REPS1: variants seen among roughly 807,000 people sequenced by gnomAD.
REPS1 encodes the protein ralBP1-associated Eps domain-containing protein 1.
Under a neutral mutation model 100.9 loss-of-function variants are expected in REPS1, and 39 were observed. The observed-to-expected ratio is 0.39, with a 90% CI of 0.30 to 0.50. The LOEUF (loss-of-function observed/expected upper bound fraction) is 0.50, where lower values mean the gene tolerates loss of function less well. REPS1 is among the 20% of genes least tolerant of loss of function. REPS1 has a pLI of 0.86. For missense variants in REPS1, 821 were observed against 968.5 expected (o/e 0.85, Z 2.02); for synonymous variants, 324 against 340.3 (o/e 0.95, Z 0.53).
At chr6:138,925,659 TAA>T (rs5880412) in intron 10 of REPS1, among the ~76,000 whole-genome samples, 130 of 137,772 alleles carry the variant, frequency 9.4e-4, no homozygotes, top group Middle Eastern at 3.7e-3. Context: ...ATCCTTGTCT[TAA>T]AAAAAAAAAA....
Position 138,914,632 on chromosome 6 carries a change from G to GA in REPS1, c.1785+64dup. ...TGACCTTCCAAATAATTTGAGAATA[G>GA]AATTAAATACCTAGCAGGCAAAGTG... is the stretch of plus-strand genomic sequence containing the variant. On this transcript the variant is annotated intron_variant, in intron 15 of 19. Coordinates refer to ENST00000450536, the MANE Select transcript of REPS1 (RefSeq NM_001286611.2). 9 of 1,275,196 alleles carry GA rather than the reference G, an allele frequency of 7.1e-6. No individual in the cohort carries two copies. In the South Asian group the frequency reaches 1.1e-4, roughly 15 times the overall value. The allele number at this position is 1,275,196 out of a possible 1,614,324, so 79.0% of individuals were successfully genotyped here.
intron 8 of REPS1, chr6:138,934,310 T>A (rs1177553109): frequency 4.2e-6 from 2 of 470,894 alleles, no homozygotes; most frequent in Non-Finnish European, 4.4e-6. Flanking sequence ...GCCCCTGACA[T>A]CATCAGAGCA....
intron 17 of REPS1, 60 bp downstream of exon 17, chr6:138,911,216 A>G: frequency 3.5e-6 from 4 of 1,159,308 alleles, no homozygotes; most frequent in Non-Finnish European, 5.2e-6. Context: ...TTATTTCTAA[A>G]AATTATTTCA....
intron 10 of REPS1, among the ~76,000 whole-genome samples, chr6:138,922,740 A>T (rs1780861265): frequency 2.0e-5 from 3 of 152,204 alleles, no homozygotes; most frequent in Admixed American, 2.0e-4. Flanking sequence ...TAAAGACTGA[A>T]TTTGAGATCC....
At position 138,912,751 on chromosome 6, in the gene REPS1, C is replaced by A. The variant is rs1352981310; in HGVS notation, c.1971+14G>T. On this transcript the variant is annotated intron_variant, in intron 16 of 19. Coordinates refer to ENST00000450536, the MANE Select transcript of REPS1 (RefSeq NM_001286611.2). The stretch of plus-strand genomic sequence containing the variant: ...ACTGCCTGCAGAAAATTAGCCAAGC[C>A]CTCGAAAACTGACCGGCAGGACTTC... 6.2e-7 allele frequency: 1 copy of A among 1,613,982 alleles called. No individual in the cohort carries two copies. The highest frequency in any genetic ancestry group is 1.3e-5 in the African/African-American group (1 of 75,000).
intron 2 of REPS1, 43 bp from the exon 3 acceptor site, chr6:138,945,740 C>A: frequency 1.4e-6 from 2 of 1,401,832 alleles, no homozygotes; most frequent in Non-Finnish European, 1.9e-6. Context: ...TAAAAAAGGA[C>A]ATATATATTG....
rs201433883 is a variant in REPS1 at position 138,907,479 on chromosome 6, T to A, written c.2322+16A>T. The A allele has an allele frequency of 9.7e-5, 152 of 1,569,014 alleles. No individual in the cohort carries two copies. Among genetic ancestry groups the A allele is most frequent in the Admixed American group, 1.8e-4 (11 of 59,854 alleles). On this transcript the variant is annotated intron_variant, in intron 19 of 19. Transcript: ENST00000450536. ...CTAAGATAAGGAACATTATAAAGAT[T>A]CAGAAACTATATTACCTTTAATTGT...
intron 8 of REPS1, 39 bp downstream of exon 8, chr6:138,941,296 C>T (rs765869333): frequency 6.2e-7 from 1 of 1,602,062 alleles, no homozygotes; most frequent in Admixed American, 1.7e-5. Context: ...TTATGTTTAT[C>T]AAGGCATGCA....
intron 1 of REPS1, among the ~76,000 whole-genome samples, chr6:138,954,998 T>C (rs1003463084): frequency 4.6e-5 from 7 of 152,240 alleles, no homozygotes; most frequent in Admixed American, 4.6e-4. Flanking sequence ...ATTGTGTGGA[T>C]GGATGCACCT....
At chr6:138,975,553 G>A (rs903868293) in intron 1 of REPS1, among the ~76,000 whole-genome samples, 2 of 152,162 alleles carry the variant, frequency 1.3e-5, no homozygotes, top group Non-Finnish European at 2.9e-5. Context: ...AACCTTCTAA[G>A]AACCAGGCAC....
rs1782558105 is a variant in REPS1 at position 138,945,564 on chromosome 6, C to T, written c.411G>A (p.Gly137=). ...SGVIPPPPGR[G]QVKKGSVSHD... The stretch of plus-strand genomic sequence containing the variant: ...GGCTTACGGATCCCTTTTTCACTTG[C>T]CCCCTGCCAGGTGGTGGGGGAATTA... Residue 137 remains glycine (G), a synonymous_variant, in exon 3 of 20, where the codon GGG becomes GGA. Transcript: ENST00000450536. 1.2e-6 allele frequency: 2 copies of T among 1,612,612 alleles called. No individual in the cohort carries two copies. Among genetic ancestry groups the T allele is most frequent in the East Asian group, 2.2e-5 (1 of 44,852 alleles).
chr6:138,974,244 T>G (rs1784482186), intron 1 of REPS1, among the ~76,000 whole-genome samples: 1 of 152,150 alleles, frequency 6.6e-6, no homozygotes, highest in East Asian at 1.9e-4. Flanking sequence ...TCAAGAAATC[T>G]GTCTACAAAC....
In REPS1 at chr6:138,909,081, G is replaced by A. The variant is rs150882670; in HGVS notation, c.2068-265C>T. On this transcript the variant is annotated intron_variant, in intron 17 of 19. Coordinates refer to ENST00000450536, the MANE Select transcript of REPS1 (RefSeq NM_001286611.2). Reference sequence around the variant, plus strand: ...CTGATGCAAGACTGTAATATTCACAGTTTTAACATAAATATGATACAGAAT... The same window carrying A: ...CTGATGCAAGACTGTAATATTCACAATTTTAACATAAATATGATACAGAAT... 2.0e-5 allele frequency among the ~76,000 whole-genome samples: 3 copies of A among 152,242 alleles called. No homozygotes were observed. The East Asian group carries it at 5.8e-4, about 29-fold the overall frequency.
chr6:138,935,613 T>G (rs1781755565), intron 8 of REPS1, among the ~76,000 whole-genome samples: 1 of 151,984 alleles, frequency 6.6e-6, no homozygotes, highest in Non-Finnish European at 1.5e-5. Flanking sequence ...ACTTTGGGAA[T>G]GGAAGACCGA....
Position 138,987,816 on chromosome 6 carries a change from A to G in REPS1, c.-134T>C, listed in dbSNP as rs1785364316. ...CCGAAAACGCCGGCCCCGGCCTCAC[A>G]CGCGCCAGGTGCGCCCGAGCAACAG... On this transcript the variant is annotated 5_prime_UTR_variant, in exon 1 of 20. Coordinates refer to ENST00000450536, the MANE Select transcript of REPS1 (RefSeq NM_001286611.2). 8.6e-7 allele frequency: 1 copy of G among 1,168,686 alleles called. No individual in the cohort carries two copies. The highest frequency in any genetic ancestry group is 2.0e-5 in the South Asian group (1 of 50,428). The allele number at this position is 1,168,686 out of a possible 1,614,324, so 72.4% of individuals were successfully genotyped here. A position where few individuals can be genotyped will look rare whatever the true frequency, so the allele number is the denominator to read the frequency against.
In REPS1 at chr6:138,987,969, G is replaced by A. The variant is rs1785378652; in HGVS notation, c.-287C>T. ...CCGGCTCCGGCTCCGGCCGCGGGGA[G>A]GGTGCAGAGAAAGAGGCGGGGGCCG... On this transcript the variant is annotated 5_prime_UTR_variant, in exon 1 of 20. Transcript: ENST00000450536. 5.2e-6 allele frequency: 2 copies of A among 387,934 alleles called. No homozygotes were observed. Among genetic ancestry groups the A allele is most frequent in the African/African-American group, 2.1e-5 (1 of 47,902 alleles). The allele number at this position is 387,934 out of a possible 1,614,324, so 24.0% of individuals were successfully genotyped here.
chr6:138,923,809 G>A (rs1780932497), intron 10 of REPS1, among the ~76,000 whole-genome samples: 1 of 152,098 alleles, frequency 6.6e-6, no homozygotes, highest in African/African-American at 2.4e-5. Context: ...ACTTTGCACT[G>A]ACTTTTACTG....
intron 1 of REPS1, among the ~76,000 whole-genome samples, chr6:138,969,863 T>TTTTTTTC (rs1218675223): frequency 4.3e-5 from 6 of 140,636 alleles, no homozygotes; most frequent in Non-Finnish European, 9.2e-5. Flanking sequence ...ATTGGGATTT[T>TTTTTTTC]TTTTTTTTTT....
chr6:138,907,320 GT>G, intron 19 of REPS1, 174 bp downstream of exon 19: 1 of 430,818 alleles, frequency 2.3e-6, no homozygotes, highest in Non-Finnish European at 4.2e-6. Flanking sequence ...AAAAGTGTGT[GT>G]GTGTGTGTGT....
Sources: gnomAD v4.1 joint callset for allele counts (sites outside exome capture counted in the v4.1 genomes callset) on GRCh38, gnomAD v4.1.1 for gene constraint, MANE v1.5 for transcripts, NCBI Gene and HGNC (gene_info 2026-07-23, HGNC 2026-07-21) for gene names.